The following RBFOX1 variants were observed in gnomAD, a reference collection of about 807,000 sequenced individuals.
The protein encoded by RBFOX1 is RNA binding protein fox-1 homolog 1.
In RBFOX1, 8 loss-of-function variants were observed where a neutral mutation model predicts 57.7. The observed-to-expected ratio is 0.14, with a 90% CI of 0.08 to 0.25. The LOEUF is 0.25. Ranked by LOEUF, RBFOX1 falls within the 10% of genes least tolerant of loss-of-function variation. The pLI is 1.00. For synonymous variants in RBFOX1, 326 were observed against 222.4 expected (o/e 1.47, Z -4.15); for missense variants, 611 against 548.5 (o/e 1.11, Z -1.14).
intron 1 of RBFOX1, among the ~76,000 whole-genome samples, chr16:5,266,548 G>GTTTT (rs3035524): frequency 0.016 from 1,997 of 127,940 alleles, 81 homozygotes; most frequent in South Asian, 0.025. Context: ...GAAATGTTCA[G>GTTTT]TTTTTTTTTT....
At chr16:6,402,660 A>G (rs904734305) in intron 2 of RBFOX1, among the ~76,000 whole-genome samples, 1 of 152,154 alleles carries the variant, frequency 6.6e-6, no homozygotes, top group East Asian at 1.9e-4. Context: ...GTAAACACAT[A>G]CACACACACA....
At chr16:7,376,816 G>A (rs2097693712) in intron 4 of RBFOX1, among the ~76,000 whole-genome samples, 1 of 152,116 alleles carries the variant, frequency 6.6e-6, no homozygotes, top group Non-Finnish European at 1.5e-5. Flanking sequence ...AGTAGAGATG[G>A]GGAGAATTCA....
chr16:6,910,900 G>C (rs555488823), intron 3 of RBFOX1, among the ~76,000 whole-genome samples: 6 of 152,034 alleles, frequency 3.9e-5, no homozygotes, highest in Admixed American at 3.9e-4. Context: ...GCTAATCTCT[G>C]TTAGTAAAGA....
chr16:6,954,941 A>G (rs770179577), intron 3 of RBFOX1, among the ~76,000 whole-genome samples: 1 of 152,096 alleles, frequency 6.6e-6, no homozygotes, highest in Non-Finnish European at 1.5e-5. Context: ...CATCAAATTT[A>G]ATATGAAGGC....
rs535025507 is a variant in RBFOX1, at chr16:6,471,574, A to G, written c.-64+154517A>G. On this transcript the variant is annotated intron_variant, in intron 2 of 15. Coordinates refer to ENST00000550418, the MANE Select transcript of RBFOX1 (RefSeq NM_018723.4). The stretch of plus-strand genomic sequence containing the variant: ...GGTAGGAAGATATCTTTATGCTTAT[A>G]ATTGGAAAAAAAAAAAAAAAACCTC... Among the ~76,000 whole-genome samples, 47 of 109,692 alleles carry G rather than the reference A, an allele frequency of 4.3e-4. No homozygotes were observed. In the East Asian group the frequency reaches 0.019, roughly 43 times the overall value. 72.0% of individuals were successfully genotyped at this position (109,692 alleles called of 152,430 possible). A position where few individuals can be genotyped will look rare whatever the true frequency, so the allele number is the denominator to read the frequency against.
intron 1 of RBFOX1, among the ~76,000 whole-genome samples, chr16:6,222,130 A>T (rs1325871832): frequency 6.6e-6 from 1 of 152,130 alleles, no homozygotes; most frequent in East Asian, 1.9e-4. Flanking sequence ...CTTTCCAAAC[A>T]ACTAGCCAAA....
chr16:6,797,847 C>G (rs1012318398), intron 3 of RBFOX1, among the ~76,000 whole-genome samples: 2 of 152,146 alleles, frequency 1.3e-5, no homozygotes, highest in Non-Finnish European at 2.9e-5. Context: ...AACCACTCGA[C>G]TTGAGTTGCT....
At chr16:6,483,121 A>C in intron 2 of RBFOX1, 2 of 1,037,856 alleles carry the variant, frequency 1.9e-6, no homozygotes, top group Non-Finnish European at 1.2e-6. Context: ...CCCAGTATCC[A>C]CTGCCTTCCC....
At chr16:7,417,088 G>C (rs1051605717) in intron 4 of RBFOX1, among the ~76,000 whole-genome samples, 2 of 152,056 alleles carry the variant, frequency 1.3e-5, no homozygotes, top group Non-Finnish European at 2.9e-5. Flanking sequence ...AGCACAAAGA[G>C]TCCGGGCATG....
chr16:7,172,463 C>T lies in RBFOX1; in HGVS notation c.27+120365C>T, dbSNP rs556033924. ...AATATACATATTTCTCTGTCTCCCA[C>T]AACCACCCTTTGATCCCCAGCCTTT... On this transcript the variant is annotated intron_variant, in intron 4 of 15. Transcript: ENST00000550418. Among the ~76,000 whole-genome samples the T allele has an allele frequency of 3.9e-5, 6 of 152,314 alleles. No homozygotes were observed. The East Asian group carries it at 1.2e-3, about 29-fold the overall frequency.
At chr16:5,877,523 G>A (rs895825126) in intron 4 of RBFOX1, among the ~76,000 whole-genome samples, 5 of 152,206 alleles carry the variant, frequency 3.3e-5, no homozygotes, top group Non-Finnish European at 7.3e-5. Flanking sequence ...CTTGATGCAG[G>A]GCAGGCGAGC....
At chr16:6,152,800 C>A (rs2096806970) in intron 1 of RBFOX1, among the ~76,000 whole-genome samples, 1 of 152,086 alleles carries the variant, frequency 6.6e-6, no homozygotes, top group Non-Finnish European at 1.5e-5. Flanking sequence ...TCCTGAACAT[C>A]TGTCTAAAAA....
At chr16:6,020,684 G>A (rs2095054500) in intron 1 of RBFOX1, among the ~76,000 whole-genome samples, 1 of 149,790 alleles carries the variant, frequency 6.7e-6, no homozygotes, top group African/African-American at 2.5e-5. Context: ...TTAGCCCTGT[G>A]TTGTTGTGCA....
intron 1 of RBFOX1, among the ~76,000 whole-genome samples, chr16:5,436,535 G>T (rs926175843): frequency 2.0e-5 from 3 of 152,304 alleles, no homozygotes; most frequent in African/African-American, 7.2e-5. Context: ...AGTTTCATTT[G>T]AAATGCCAGA....
intron 3 of RBFOX1, among the ~76,000 whole-genome samples, chr16:5,820,471 C>G (rs140829920): frequency 7.9e-5 from 12 of 152,276 alleles, no homozygotes; most frequent in African/African-American, 2.6e-4. Context: ...ATTAGCAGCA[C>G]CAGAGCTGCA....
At chr16:5,439,038 G>A (rs939276830) in intron 1 of RBFOX1, among the ~76,000 whole-genome samples, 1 of 150,178 alleles carries the variant, frequency 6.7e-6, no homozygotes, top group Non-Finnish European at 1.5e-5. Context: ...ATAATGGGGG[G>A]GGGGGCATAG....
chr16:6,881,063 A>G (rs979732841), intron 3 of RBFOX1, among the ~76,000 whole-genome samples: 5 of 152,158 alleles, frequency 3.3e-5, no homozygotes, highest in African/African-American at 9.7e-5. Context: ...AGACATTGCT[A>G]ATCAATCATG....
chr16:6,602,256 C>G (rs1018244333), intron 2 of RBFOX1, among the ~76,000 whole-genome samples: 1 of 152,074 alleles, frequency 6.6e-6, no homozygotes, highest in Non-Finnish European at 1.5e-5. Flanking sequence ...AATATTCTCT[C>G]CCATTCAGTG....
At chr16:6,874,158 G>T (rs1000948871) in intron 3 of RBFOX1, among the ~76,000 whole-genome samples, 2 of 133,450 alleles carry the variant, frequency 1.5e-5, no homozygotes, top group African/African-American at 3.1e-5. Flanking sequence ...TGAATAAGTG[G>T]ATAAAGAAAC....
Sources: gnomAD v4.1 joint callset for allele counts (sites outside exome capture counted in the v4.1 genomes callset) on GRCh38, gnomAD v4.1.1 for gene constraint, MANE v1.5 for transcripts, NCBI Gene and HGNC (gene_info 2026-07-23, HGNC 2026-07-21) for gene names.